PCNX1: variants seen among roughly 807,000 people sequenced by gnomAD.
PCNX1 encodes the protein pecanex-like protein 1.
A neutral mutation model predicts 242.2 loss-of-function variants in PCNX1; 78 were observed. That is an observed-to-expected ratio of 0.32 (90% CI 0.27 to 0.39). The LOEUF (loss-of-function observed/expected upper bound fraction) is 0.39. Ranked by LOEUF, PCNX1 falls within the 10% of genes least tolerant of loss-of-function variation. The pLI is 1.00. For synonymous variants in PCNX1, 1,024 were observed against 1,032.9 expected, an observed-to-expected ratio of 0.99 and a Z score of 0.17; for missense variants, 2,581 against 2,856.5, an observed-to-expected ratio of 0.90 and a Z score of 2.20.
At chr14:70,919,709 T>TTCCCCC (rs2056296253) in intron 1 of PCNX1, among the ~76,000 whole-genome samples, 2 of 8,088 alleles carry the variant, frequency 2.5e-4, no homozygotes, top group African/African-American at 9.4e-4. Flanking sequence ...GTTTCTCTGC[T>TTCCCCC]CCCCCCCCCC....
At position 71,091,589 on chromosome 14, in the gene PCNX1, A is replaced by G. The variant is rs147354228; in HGVS notation, c.5589+2247A>G. 2.3e-3 allele frequency among the ~76,000 whole-genome samples: 347 copies of G among 152,376 alleles called. 2 individuals carry two copies. Among genetic ancestry groups the G allele is most frequent in the African/African-American group, 8.0e-3 (334 of 41,594 alleles). On this transcript the variant is annotated intron_variant, in intron 30 of 35. Transcript: ENST00000304743. ...CCAATAAAATAAGACAAACTTAGGT[A>G]TGTCATGAATGCATAAAATATACAT... is the stretch of plus-strand genomic sequence containing the variant.
chr14:70,907,899 C>G lies in PCNX1; in HGVS notation c.49C>G (p.Leu17Val). ...CCTCCGACAGGGGGTGTGGGCCGCG[C>G]TCAGCGGGGGCTGGTACTACGACCC... ...QILRQGVWAALSGGWYYDPHQ... is the reference protein window; with the variant it reads ...QILRQGVWAAVSGGWYYDPHQ... The change falls in exon 1 of 36, where the codon CTC becomes GTC. Residue 17 changes from leucine (L) to valine (V), a missense_variant. Physicochemically the swap from Leu to Val is conservative, Grantham distance 32 (BLOSUM62 1). Around this residue, in one of 9 missense-constraint regions of PCNX1, gnomAD observed 1,204 missense variants for 1,216.7 expected, o/e 0.99. Coordinates refer to ENST00000304743, the MANE Select transcript of PCNX1 (RefSeq NM_014982.3). 1.3e-6 allele frequency: 2 copies of G among 1,573,096 alleles called. No homozygotes were observed. Among genetic ancestry groups the G allele is most frequent in the East Asian group, 5.1e-5 (2 of 39,432 alleles).
intron 27 of PCNX1, among the ~76,000 whole-genome samples, chr14:71,075,472 A>G (rs768047437): frequency 1.3e-5 from 2 of 152,128 alleles, no homozygotes; most frequent in Non-Finnish European, 1.5e-5. Context: ...CTAAATATAT[A>G]TCTCTATAAC....
chr14:70,961,616 C>CT (rs1040458183), intron 2 of PCNX1, among the ~76,000 whole-genome samples: 20 of 152,250 alleles, frequency 1.3e-4, no homozygotes, highest in Non-Finnish European at 2.5e-4. Context: ...GCATCACTTT[C>CT]TTTTTTTAAC....
intron 22 of PCNX1, among the ~76,000 whole-genome samples, chr14:71,048,429 C>G (rs1482429370): frequency 6.6e-6 from 1 of 152,138 alleles, no homozygotes; most frequent in Non-Finnish European, 1.5e-5. Flanking sequence ...TTATAGGCTT[C>G]TGCTAAAATT....
chr14:71,071,672 C>T (rs909546545), intron 26 of PCNX1, among the ~76,000 whole-genome samples: 1 of 152,222 alleles, frequency 6.6e-6, no homozygotes, highest in Non-Finnish European at 1.5e-5. Flanking sequence ...GTCTGCAGAA[C>T]TGTGAGCCAG....
chr14:70,925,755 CTCA>C (rs2056566202), intron 1 of PCNX1, among the ~76,000 whole-genome samples: 1 of 151,974 alleles, frequency 6.6e-6, no homozygotes, highest in Admixed American at 6.6e-5. Context: ...TCATTTAATC[CTCA>C]TCATAGCTTT....
intron 2 of PCNX1, among the ~76,000 whole-genome samples, chr14:70,960,286 T>C (rs1161325923): frequency 6.9e-6 from 1 of 144,274 alleles, no homozygotes; most frequent in African/African-American, 2.6e-5. Context: ...TTTGGTGTTT[T>C]AGACATGAAG....
intron 3 of PCNX1, among the ~76,000 whole-genome samples, 161 bp downstream of exon 3, chr14:70,962,492 AC>A (rs1396681313): frequency 1.3e-5 from 2 of 152,168 alleles, no homozygotes; most frequent in African/African-American, 4.8e-5. Flanking sequence ...TTTTTAAGTT[AC>A]TTTTCACATT....
Position 70,977,567 on chromosome 14 carries a change from A to G in PCNX1, c.1230A>G (p.Ile410Met), listed in dbSNP as rs745359452. Residue 410 changes from isoleucine to methionine, a missense_variant, in exon 6 of 36, where the codon ATA (isoleucine) becomes ATG (methionine). Physicochemically the swap from Ile to Met is conservative, Grantham distance 10. Transcript: ENST00000304743. ...GTGAGCAGACCAGCTCAACTCACAT[A>G]GAGAGCATCCTGTCAGAGCATGAGG... ...YKSEQTSSTH[I>M]ESILSEHEES... 6.2e-7 allele frequency: 1 copy of G among 1,614,226 alleles called. No individual in the cohort carries two copies. The highest frequency in any genetic ancestry group is 8.5e-7 in the Non-Finnish European group (1 of 1,180,040).
chr14:70,994,415 ATATATATATATATATG>A lies in PCNX1; in HGVS notation c.2445-1322_2445-1307del, dbSNP rs974521816. Among the ~76,000 whole-genome samples the A allele has an allele frequency of 1.2e-4, 15 of 130,094 alleles. 2 individuals carry two copies. The highest frequency in any genetic ancestry group is 4.3e-4 in the African/African-American group (15 of 34,814). The allele number at this position is 130,094 out of a possible 152,430, so 85.3% of individuals were successfully genotyped here. ...GCTTAAGATATATATATATATATAT[ATATATATATATATATG>A]TATGTATGTATGTTTCAACATAGCC... On this transcript the variant is annotated intron_variant, in intron 7 of 35. Transcript: ENST00000304743.
At chr14:71,002,521 C>T (rs981482979) in intron 8 of PCNX1, among the ~76,000 whole-genome samples, 2 of 152,238 alleles carry the variant, frequency 1.3e-5, no homozygotes, top group African/African-American at 2.4e-5. Flanking sequence ...TGCAGTCCAT[C>T]TCTCTGCTGC....
At chr14:70,979,939 T>C (rs2058788781) in intron 6 of PCNX1, among the ~76,000 whole-genome samples, 1 of 151,580 alleles carries the variant, frequency 6.6e-6, no homozygotes, top group African/African-American at 2.4e-5. Flanking sequence ...TTCCCTCGAG[T>C]CTTTGACCTG....
At chr14:70,936,754 TAA>T (rs2057021974) in intron 1 of PCNX1, among the ~76,000 whole-genome samples, 1 of 152,210 alleles carries the variant, frequency 6.6e-6, no homozygotes, top group Admixed American at 6.5e-5. Flanking sequence ...ACCAACAGTG[TAA>T]AAGTGTTCCT....
chr14:71,109,295 A>G (rs2062705164), intron 34 of PCNX1, among the ~76,000 whole-genome samples, 157 bp from the exon 35 acceptor site: 1 of 152,224 alleles, frequency 6.6e-6, no homozygotes, highest in African/African-American at 2.4e-5. Context: ...CAGAGGGCTG[A>G]AAAGAATTCA....
intron 2 of PCNX1, among the ~76,000 whole-genome samples, chr14:70,949,091 T>C (rs2057615099): frequency 6.8e-6 from 1 of 147,354 alleles, no homozygotes; most frequent in Non-Finnish European, 1.5e-5. Context: ...TACATGTGTA[T>C]ATATACATAC....
At chr14:71,037,767 T>G (rs1247571500) in intron 19 of PCNX1, among the ~76,000 whole-genome samples, 80 of 151,352 alleles carry the variant, frequency 5.3e-4, no homozygotes, top group African/African-American at 1.8e-3. Context: ...CATCGCCAAG[T>G]GAATCCTAAG....
At chr14:71,003,212 T>A (rs943900922) in intron 8 of PCNX1, among the ~76,000 whole-genome samples, 12 of 150,906 alleles carry the variant, frequency 8.0e-5, no homozygotes, top group Non-Finnish European at 1.3e-4. Context: ...GCCCCGCAAG[T>A]AGCTGGGATT....
chr14:70,955,654 T>A (rs896389221), intron 2 of PCNX1, among the ~76,000 whole-genome samples: 1 of 152,196 alleles, frequency 6.6e-6, no homozygotes. Flanking sequence ...GTAGACCACT[T>A]TGCTACTGTG....
Sources: allele counts gnomAD v4.1 joint callset (sites outside exome capture counted in the v4.1 genomes callset), GRCh38; gene constraint gnomAD v4.1.1; regional missense constraint gnomAD v4.1.1; transcripts MANE v1.5; gene names NCBI Gene and HGNC (gene_info 2026-07-23, HGNC 2026-07-21).